Variants in DGKI observed in about 807,000 individuals in gnomAD.
DGKI encodes diacylglycerol kinase iota.
DGKI carries 55 observed loss-of-function variants against 147.5 expected under a neutral mutation model. The ratio of observed to expected loss-of-function variants is 0.37; its 90% confidence interval spans 0.30 to 0.47. DGKI has a LOEUF of 0.47. Ranked by LOEUF, DGKI falls within the 20% of genes least tolerant of loss-of-function variation. The pLI, the probability that DGKI is intolerant of heterozygous loss-of-function variation, is 1.00. For missense variants in DGKI, 1,007 were observed against 1,323.8 expected, an observed-to-expected ratio of 0.76 and a Z score of 3.71; for synonymous variants, 469 against 477.1, an observed-to-expected ratio of 0.98 and a Z score of 0.22.
At chr7:137,442,780 T>C (rs1024748252) in intron 28 of DGKI, among the ~76,000 whole-genome samples, 21 of 152,338 alleles carry the variant, frequency 1.4e-4, no homozygotes, top group African/African-American at 4.8e-4. Flanking sequence ...CTTAATTCAT[T>C]CATTTAATAA....
At chr7:137,515,909 A>G (rs991141750) in intron 21 of DGKI, among the ~76,000 whole-genome samples, 1 of 152,134 alleles carries the variant, frequency 6.6e-6, no homozygotes, top group African/African-American at 2.4e-5. Flanking sequence ...GAAACTAAGC[A>G]CGAAACTCTG....
intron 20 of DGKI, among the ~76,000 whole-genome samples, chr7:137,541,242 T>C (rs73451467): frequency 0.06 from 9,074 of 152,268 alleles, 666 homozygotes; most frequent in African/African-American, 0.17. Context: ...TGTCTGTGTG[T>C]GCGTATACGT....
intron 28 of DGKI, among the ~76,000 whole-genome samples, chr7:137,433,762 C>A (rs1813173140): frequency 6.6e-6 from 1 of 152,214 alleles, no homozygotes; most frequent in African/African-American, 2.4e-5. Flanking sequence ...AATCTATGAT[C>A]TCTTCACTTG....
intron 30 of DGKI, among the ~76,000 whole-genome samples, chr7:137,398,790 C>G (rs1585075835): frequency 6.6e-6 from 1 of 151,900 alleles, no homozygotes; most frequent in Non-Finnish European, 1.5e-5. Context: ...TTCTGCTTGT[C>G]CTATTTGACA....
At chr7:137,437,175 T>C (rs1268987498) in intron 28 of DGKI, among the ~76,000 whole-genome samples, 2 of 152,268 alleles carry the variant, frequency 1.3e-5, no homozygotes, top group Middle Eastern at 3.4e-3. Flanking sequence ...ACCAGAAATA[T>C]GTATACAAAG....
intron 13 of DGKI, among the ~76,000 whole-genome samples, chr7:137,585,938 T>C (rs1005692760): frequency 6.6e-6 from 1 of 152,150 alleles, no homozygotes; most frequent in African/African-American, 2.4e-5. Flanking sequence ...AAGGCTCTGA[T>C]TTGGAAGGGA....
chr7:137,723,951 G>A (rs1029985013), intron 1 of DGKI, among the ~76,000 whole-genome samples: 20 of 151,710 alleles, frequency 1.3e-4, no homozygotes, highest in Non-Finnish European at 7.4e-5. Flanking sequence ...CTTGTGATCC[G>A]CCCACCTCGG....
intron 19 of DGKI, among the ~76,000 whole-genome samples, chr7:137,553,571 G>A (rs535350304): frequency 3.9e-5 from 6 of 152,102 alleles, no homozygotes; most frequent in African/African-American, 1.4e-4. Context: ...AATGTATTTA[G>A]TATTATTTAT....
chr7:137,731,135 A>G (rs1011121034), intron 1 of DGKI, among the ~76,000 whole-genome samples: 2 of 152,070 alleles, frequency 1.3e-5, no homozygotes, highest in African/African-American at 2.4e-5. Flanking sequence ...GTCTTCCCCA[A>G]ACTTGCTTGG....
At chr7:137,707,709 C>T (rs1794081971) in intron 1 of DGKI, among the ~76,000 whole-genome samples, 2 of 152,202 alleles carry the variant, frequency 1.3e-5, no homozygotes, top group African/African-American at 4.8e-5. Context: ...GAGGCCTCCT[C>T]AGAAGCAGAA....
intron 1 of DGKI, among the ~76,000 whole-genome samples, chr7:137,800,683 T>C (rs1043153572): frequency 2.6e-5 from 4 of 152,226 alleles, no homozygotes; most frequent in African/African-American, 7.2e-5. Flanking sequence ...TTAATGTTCA[T>C]GTTTAACAGG....
intron 1 of DGKI, among the ~76,000 whole-genome samples, chr7:137,759,864 AAC>A (rs1248316555): frequency 6.6e-6 from 1 of 152,154 alleles, no homozygotes; most frequent in Non-Finnish European, 1.5e-5. Flanking sequence ...CAGAAAAAAA[AAC>A]AGAGTCTTGA....
Position 137,834,598 on chromosome 7 carries a change from AG to A in DGKI, c.401+11863del, listed in dbSNP as rs982826174. Among the ~76,000 whole-genome samples, 132 of 152,340 alleles carry A rather than the reference AG, an allele frequency of 8.7e-4. 1 individual carries two copies. Among genetic ancestry groups the A allele is most frequent in the African/African-American group, 3.0e-3 (124 of 41,582 alleles). ...CCCAGCATCCCAGCTGCTCCTGGAAAGGGGCATTTTCTCTCAAATATCTTGA... is the reference window on the plus strand; with the variant it reads ...CCCAGCATCCCAGCTGCTCCTGGAAAGGGCATTTTCTCTCAAATATCTTGA... On this transcript the variant is annotated intron_variant, in intron 1 of 32. Transcript: ENST00000614521.
intron 5 of DGKI, among the ~76,000 whole-genome samples, chr7:137,646,765 T>C (rs1821839947): frequency 6.6e-6 from 1 of 152,132 alleles, no homozygotes; most frequent in South Asian, 2.1e-4. Flanking sequence ...TTTTCCTACA[T>C]GCAAGGCACT....
chr7:137,541,709 A>G (rs1034193515), intron 20 of DGKI, among the ~76,000 whole-genome samples: 1 of 152,182 alleles, frequency 6.6e-6, no homozygotes, highest in Non-Finnish European at 1.5e-5. Context: ...TCCATATGCA[A>G]AAACATTAAC....
chr7:137,534,772 G>A (rs1412567046), intron 20 of DGKI, among the ~76,000 whole-genome samples: 1 of 152,108 alleles, frequency 6.6e-6, no homozygotes, highest in Non-Finnish European at 1.5e-5. Context: ...GTATGATGCT[G>A]TTATGTACTA....
chr7:137,491,729 A>C (rs6467706), intron 21 of DGKI, among the ~76,000 whole-genome samples: 24,861 of 152,218 alleles, frequency 0.16, 3,028 homozygotes, highest in African/African-American at 0.35. Context: ...ACATGAAAGA[A>C]CTTGTGCTTA....
At chr7:137,619,422 A>T (rs968940678) in intron 8 of DGKI, among the ~76,000 whole-genome samples, 1 of 152,176 alleles carries the variant, frequency 6.6e-6, no homozygotes. Context: ...AATCTTAACC[A>T]AACCATGAAG....
intron 2 of DGKI, among the ~76,000 whole-genome samples, chr7:137,681,148 C>T (rs1208554163): frequency 6.6e-6 from 1 of 152,184 alleles, no homozygotes; most frequent in African/African-American, 2.4e-5. Flanking sequence ...TGCCTCAAAA[C>T]CATTCCTAAA....
Sources: allele counts gnomAD v4.1 joint callset (sites outside exome capture counted in the v4.1 genomes callset), GRCh38; gene constraint gnomAD v4.1.1; transcripts MANE v1.5; gene names NCBI Gene and HGNC (gene_info 2026-07-23, HGNC 2026-07-21).